The following SMG6 variants were observed in gnomAD, a reference collection of about 807,000 sequenced individuals.
SMG6 encodes the protein telomerase-binding protein EST1A.
In SMG6, 66 loss-of-function variants were observed where a neutral mutation model predicts 142.2. The observed-to-expected ratio is 0.46, with a 90% CI of 0.38 to 0.57. The LOEUF (loss-of-function observed/expected upper bound fraction) is 0.57, where lower values mean the gene tolerates loss of function less well. Among genes scored for constraint, SMG6 ranks in the 20% least tolerant of loss-of-function variants. SMG6 has a pLI of 0.00. For synonymous variants in SMG6, 779 were observed against 702.4 expected (o/e 1.11, Z -1.72); for missense variants, 1,793 against 1,832.0 (o/e 0.98, Z 0.39).
At chr17:2,067,115 T>C (rs780226681) in intron 16 of SMG6, among the ~76,000 whole-genome samples, 2 of 152,210 alleles carry the variant, frequency 1.3e-5, no homozygotes, top group African/African-American at 2.4e-5. Flanking sequence ...CTGGCCTGTA[T>C]GGCTGTAGCA....
At chr17:2,174,485 A>T (rs2071599528) in intron 12 of SMG6, among the ~76,000 whole-genome samples, 1 of 152,226 alleles carries the variant, frequency 6.6e-6, no homozygotes, top group Non-Finnish European at 1.5e-5. Flanking sequence ...TATTTACTGT[A>T]ATCATTGCAC....
intron 8 of SMG6, among the ~76,000 whole-genome samples, chr17:2,249,909 A>C (rs1459975467): frequency 2.0e-5 from 3 of 152,214 alleles, no homozygotes; most frequent in Non-Finnish European, 4.4e-5. Context: ...GTCTCTGGAC[A>C]CACAATAAAG....
intron 10 of SMG6, among the ~76,000 whole-genome samples, chr17:2,204,513 G>A (rs945784354): frequency 6.6e-6 from 1 of 152,166 alleles, no homozygotes; most frequent in Non-Finnish European, 1.5e-5. Context: ...GGTGCATCTA[G>A]TTTTAAAGTA....
intron 13 of SMG6, among the ~76,000 whole-genome samples, chr17:2,123,272 G>A (rs544847580): frequency 6.6e-6 from 1 of 152,290 alleles, no homozygotes; most frequent in South Asian, 2.1e-4. Context: ...AGAGGGGAGG[G>A]GAGGAGTAGA....
chr17:2,203,472 G>A (rs888804063), intron 10 of SMG6, among the ~76,000 whole-genome samples: 2 of 152,150 alleles, frequency 1.3e-5, no homozygotes, highest in Non-Finnish European at 2.9e-5. Flanking sequence ...CAGACGTTTT[G>A]GGAAGCTTGC....
At chr17:2,146,683 A>G (rs1473844649) in intron 13 of SMG6, among the ~76,000 whole-genome samples, 1 of 152,134 alleles carries the variant, frequency 6.6e-6, no homozygotes, top group East Asian at 1.9e-4. Flanking sequence ...TGCCCACTTC[A>G]GCCTCCCAGG....
chr17:2,181,223 T>C (rs1243766442), intron 12 of SMG6, among the ~76,000 whole-genome samples: 4 of 152,186 alleles, frequency 2.6e-5, no homozygotes, highest in Admixed American at 2.6e-4. Flanking sequence ...TACATGAGAA[T>C]ATGGGAAACA....
At position 2,198,593 on chromosome 17, in the gene SMG6, C is replaced by T. The variant is rs145519691; in HGVS notation, c.2870-10078G>A. 5.5e-4 allele frequency among the ~76,000 whole-genome samples: 84 copies of T among 152,138 alleles called. No individual in the cohort carries two copies. The Middle Eastern group carries it at 0.01, about 18-fold the overall frequency. On this transcript the variant is annotated intron_variant, in intron 10 of 18. Transcript: ENST00000263073. ...GCAAGACATGAAAAATGGGGAAGGA[C>T]GGGTGAAGGGTGCATAAGACCTCTC...
chr17:2,087,697 G>A (rs981652092), intron 13 of SMG6: 2 of 987,670 alleles, frequency 2.0e-6, no homozygotes, highest in Non-Finnish European at 2.4e-6. Context: ...AACATGTGAT[G>A]AGGAAGGCTA....
At position 2,275,403 on chromosome 17, in the gene SMG6, C is replaced by CA. The variant is rs1412401061; in HGVS notation, c.2661+7243dup. ...CGCCGCTGCACTCCAGCCTGGGAGA[C>CA]AGAGCGAGACTCTGTCACAAAACAA... On this transcript the variant is annotated intron_variant, in intron 8 of 18. Coordinates refer to ENST00000263073, the MANE Select transcript of SMG6 (RefSeq NM_017575.5). Among the ~76,000 whole-genome samples, 3 of 152,192 alleles carry CA rather than the reference C, an allele frequency of 2.0e-5. No individual in the cohort carries two copies. In the East Asian group the frequency reaches 5.8e-4, roughly 29 times the overall value.
intron 13 of SMG6, chr17:2,094,934 T>A (rs1166506414): frequency 6.6e-6 from 1 of 152,154 alleles, no homozygotes; most frequent in Non-Finnish European, 1.5e-5. Context: ...ACCAGAAAGG[T>A]ACATTCTCAG....
chr17:2,123,067 C>T (rs1307004802), intron 13 of SMG6, among the ~76,000 whole-genome samples: 1 of 152,234 alleles, frequency 6.6e-6, no homozygotes, highest in East Asian at 1.9e-4. Context: ...TGAAGCAACG[C>T]TAGACAATGC....
At chr17:2,234,747 G>T (rs189751303) in intron 10 of SMG6, among the ~76,000 whole-genome samples, 1 of 151,350 alleles carries the variant, frequency 6.6e-6, no homozygotes, top group East Asian at 2.0e-4. Flanking sequence ...TCACTCTGCT[G>T]CCCAGGCTGC....
At chr17:2,241,064 G>A (rs1025407002) in intron 9 of SMG6, among the ~76,000 whole-genome samples, 2 of 152,018 alleles carry the variant, frequency 1.3e-5, no homozygotes, top group African/African-American at 4.8e-5. Flanking sequence ...TTTACCTCCA[G>A]GACAGAATAA....
At chr17:2,261,876 G>A (rs896056121) in intron 8 of SMG6, among the ~76,000 whole-genome samples, 1 of 152,122 alleles carries the variant, frequency 6.6e-6, no homozygotes, top group Non-Finnish European at 1.5e-5. Context: ...TCACTTGCAA[G>A]TATTTCAAAA....
chr17:2,224,491 G>A (rs565469736), intron 10 of SMG6, among the ~76,000 whole-genome samples: 83 of 152,162 alleles, frequency 5.5e-4, no homozygotes, highest in Non-Finnish European at 8.8e-4. Context: ...TTAATAGAAG[G>A]TTAGATATAG....
At chr17:2,244,297 CCT>C (rs923527181) in intron 9 of SMG6, among the ~76,000 whole-genome samples, 2 of 152,186 alleles carry the variant, frequency 1.3e-5, no homozygotes, top group African/African-American at 4.8e-5. Flanking sequence ...AGGAGGACCC[CCT>C]GACAGCTGCA....
intron 12 of SMG6, among the ~76,000 whole-genome samples, chr17:2,174,751 G>A (rs780572014): frequency 1.3e-5 from 2 of 152,138 alleles, no homozygotes; most frequent in East Asian, 1.9e-4. Context: ...TGGCTCAGCC[G>A]GGTTTGGCTG....
chr17:2,137,373 C>T (rs1597451970), intron 13 of SMG6, among the ~76,000 whole-genome samples: 1 of 152,236 alleles, frequency 6.6e-6, no homozygotes, highest in East Asian at 1.9e-4. Flanking sequence ...ACCTTGATGA[C>T]CCCCACAGGC....
Sources: gnomAD v4.1 joint callset for allele counts (sites outside exome capture counted in the v4.1 genomes callset) on GRCh38, gnomAD v4.1.1 for gene constraint, MANE v1.5 for transcripts, NCBI Gene and HGNC (gene_info 2026-07-23, HGNC 2026-07-21) for gene names.